NAALADL2: variants seen among roughly 807,000 people sequenced by gnomAD.
The protein encoded by NAALADL2 is N-acetylated alpha-linked acidic dipeptidase like 2.
In NAALADL2, 76 loss-of-function variants were observed where a neutral mutation model predicts 87.2. That is an observed-to-expected ratio of 0.87 (90% CI 0.72 to 1.05). The LOEUF (loss-of-function observed/expected upper bound fraction) is 1.05, where lower values mean the gene tolerates loss of function less well. NAALADL2 is among the 50% of genes least tolerant of loss of function. The pLI is 0.00. For missense variants in NAALADL2, 1,089 were observed against 945.8 expected (o/e 1.15, Z -1.99); for synonymous variants, 354 against 331.0 (o/e 1.07, Z -0.75).
At chr3:174,497,467 T>TTAA (rs1578027745) in intron 1 of NAALADL2, among the ~76,000 whole-genome samples, 3 of 121,162 alleles carry the variant, frequency 2.5e-5, no homozygotes, top group Admixed American at 1.0e-4. Context: ...GATCTCTATT[T>TTAA]AAAAAGAAGA....
At chr3:175,005,987 T>C (rs1246617973) in intron 1 of NAALADL2, among the ~76,000 whole-genome samples, 1 of 152,210 alleles carries the variant, frequency 6.6e-6, no homozygotes, top group African/African-American at 2.4e-5. Flanking sequence ...CTTTGAAATA[T>C]TTACTGTGGT....
intron 1 of NAALADL2, among the ~76,000 whole-genome samples, chr3:174,995,870 G>C (rs976084003): frequency 1.3e-5 from 2 of 151,504 alleles, no homozygotes; most frequent in Admixed American, 6.6e-5. Context: ...GATTGAGTAA[G>C]TAAACCAGAA....
At chr3:174,812,804 A>G (rs995430907) in intron 3 of NAALADL2, among the ~76,000 whole-genome samples, 4 of 152,110 alleles carry the variant, frequency 2.6e-5, no homozygotes, top group East Asian at 1.9e-4. Flanking sequence ...AAATAAAGGC[A>G]ATTAAAAATT....
chr3:175,799,067 TTTTG>T (rs980528142), intron 13 of NAALADL2, among the ~76,000 whole-genome samples: 161 of 152,182 alleles, frequency 1.1e-3, no homozygotes, highest in African/African-American at 3.4e-3. Context: ...ATTATAATAT[TTTTG>T]TTTGTCAGCA....
rs528364842 is a variant in NAALADL2 at position 174,942,450 on chromosome 3, T to C, written c.43+83000T>C. Among the ~76,000 whole-genome samples the C allele has an allele frequency of 3.3e-4, 51 of 152,278 alleles. 2 individuals carry two copies. The South Asian group carries it at 9.7e-3, about 29-fold the overall frequency. ...TTGCAGCTAACCTGCCCTTTCTCTC[T>C]AGCTGCCTTTAACGTTCTTTCTTTC... is the stretch of plus-strand genomic sequence containing the variant. On this transcript the variant is annotated intron_variant, in intron 1 of 13. Transcript: ENST00000454872.
At chr3:175,026,959 T>C (rs535435507) in intron 1 of NAALADL2, among the ~76,000 whole-genome samples, 11 of 152,252 alleles carry the variant, frequency 7.2e-5, no homozygotes, top group African/African-American at 2.6e-4. Context: ...CCCTAACTTA[T>C]TGGGATACTC....
chr3:174,441,768 T>G (rs2108253806), intron 1 of NAALADL2, among the ~76,000 whole-genome samples: 2 of 150,332 alleles, frequency 1.3e-5, no homozygotes, highest in South Asian at 4.3e-4. Flanking sequence ...CGTCTCTTGG[T>G]GCCTTGTGTT....
At chr3:175,330,974 T>A (rs914358136) in intron 5 of NAALADL2, among the ~76,000 whole-genome samples, 1 of 152,000 alleles carries the variant, frequency 6.6e-6, no homozygotes, top group African/African-American at 2.4e-5. Flanking sequence ...ACATTACAAC[T>A]GAAACCACAT....
intron 2 of NAALADL2, among the ~76,000 whole-genome samples, chr3:174,652,441 T>A (rs1724462579): frequency 6.6e-6 from 1 of 152,194 alleles, no homozygotes; most frequent in African/African-American, 2.4e-5. Flanking sequence ...CGATTCACAG[T>A]TCCACATGGC....
intron 3 of NAALADL2, among the ~76,000 whole-genome samples, chr3:174,854,033 A>G (rs1310013455): frequency 1.3e-5 from 2 of 152,214 alleles, no homozygotes; most frequent in African/African-American, 4.8e-5. Flanking sequence ...TGCTGGGTGT[A>G]TATTCAAAAG....
intron 2 of NAALADL2, among the ~76,000 whole-genome samples, chr3:174,597,480 G>A (rs1481588143): frequency 6.6e-6 from 1 of 152,130 alleles, no homozygotes; most frequent in African/African-American, 2.4e-5. Context: ...GTCAGCAAAG[G>A]GCCAACCTTG....
chr3:174,852,863 T>A (rs116230464), intron 3 of NAALADL2, among the ~76,000 whole-genome samples: 1,991 of 152,102 alleles, frequency 0.013, 43 homozygotes, highest in African/African-American at 0.046. Flanking sequence ...AATGGATGCA[T>A]AGATGATGGA....
At chr3:174,612,614 G>C (rs1173479111) in intron 2 of NAALADL2, among the ~76,000 whole-genome samples, 1 of 151,800 alleles carries the variant, frequency 6.6e-6, no homozygotes, top group African/African-American at 2.4e-5. Context: ...TGCATTTTTA[G>C]CTCCAGAATT....
At chr3:174,582,218 G>A (rs1716240760) in intron 2 of NAALADL2, among the ~76,000 whole-genome samples, 1 of 152,138 alleles carries the variant, frequency 6.6e-6, no homozygotes, top group Non-Finnish European at 1.5e-5. Flanking sequence ...GTGGAATACT[G>A]GAGAACCAAA....
chr3:174,787,576 C>CATATATATATATATATAT (rs71300440), intron 3 of NAALADL2, among the ~76,000 whole-genome samples: 5 of 14,732 alleles, frequency 3.4e-4, no homozygotes, highest in Admixed American at 1.1e-3. Flanking sequence ...AATATATCAT[C>CATATATATATATATATAT]ATATATATAT....
chr3:175,572,407 A>AT, intron 9 of NAALADL2, among the ~76,000 whole-genome samples: 1 of 135,590 alleles, frequency 7.4e-6, no homozygotes, highest in African/African-American at 3.2e-5. Context: ...TAGTTGGTTT[A>AT]CCAAAAAAAA....
At chr3:175,330,860 CAG>C (rs1294859742) in intron 5 of NAALADL2, among the ~76,000 whole-genome samples, 4 of 151,878 alleles carry the variant, frequency 2.6e-5, no homozygotes, top group Non-Finnish European at 5.9e-5. Flanking sequence ...CAGCAATAAA[CAG>C]AAAGTTGGCT....
intron 2 of NAALADL2, among the ~76,000 whole-genome samples, chr3:174,598,013 T>A (rs1197510745): frequency 6.6e-6 from 1 of 152,204 alleles, no homozygotes; most frequent in African/African-American, 2.4e-5. Flanking sequence ...CTTTGAGTTA[T>A]AATCTCTCTC....
intron 2 of NAALADL2, among the ~76,000 whole-genome samples, chr3:174,624,330 T>A (rs912049221): frequency 4.6e-5 from 7 of 152,108 alleles, no homozygotes; most frequent in African/African-American, 1.7e-4. Context: ...GAGATAAAAA[T>A]GTTGGCATCG....
Sources: gnomAD v4.1 joint callset for allele counts (sites outside exome capture counted in the v4.1 genomes callset) on GRCh38, gnomAD v4.1.1 for gene constraint, MANE v1.5 for transcripts, NCBI Gene and HGNC (gene_info 2026-07-23, HGNC 2026-07-21) for gene names.